The following PUF60 variants were observed in gnomAD, a reference collection of about 807,000 sequenced individuals.
PUF60 encodes poly(U)-binding-splicing factor PUF60.
Under a neutral mutation model 61.8 loss-of-function variants are expected in PUF60, and 10 were observed. That is an observed-to-expected ratio of 0.16 (90% CI 0.10 to 0.27). The LOEUF is 0.27. Among genes scored for constraint, PUF60 ranks in the 10% least tolerant of loss-of-function variants. The pLI is 1.00. For synonymous variants in PUF60, 353 were observed against 300.9 expected (o/e 1.17, Z -1.79); for missense variants, 371 against 754.0 (o/e 0.49, Z 5.95).
Position 143,817,434 on chromosome 8 carries a change from G to C in PUF60, c.1041C>G (p.Thr347=). 1 of 1,607,366 alleles carries C rather than the reference G, an allele frequency of 6.2e-7. No individual in the cohort carries two copies. The highest frequency in any genetic ancestry group is 8.5e-7 in the Non-Finnish European group (1 of 1,177,836). Reference sequence around the variant, plus strand: ...GGGACACCAGTCCAGGTGTGCCCAGGGTACCCAGCACCGCTGCTCCGGCCA... The same window carrying C: ...GGGACACCAGTCCAGGTGTGCCCAGCGTACCCAGCACCGCTGCTCCGGCCA... ...EAVAGAAVLG[T]LGTPGLVSPA... The change falls in exon 10 of 12, where the codon ACC becomes ACG. Residue 347 remains threonine, a synonymous_variant. Coordinates refer to ENST00000526683, the MANE Select transcript of PUF60 (RefSeq NM_078480.3). This position sits in a 1 kb window ranked among gnomAD's most constrained non-coding sequence, Gnocchi z 7.4.
At chr8:143,827,822 C>G (rs1450518144) in intron 1 of PUF60, among the ~76,000 whole-genome samples, 2 of 152,220 alleles carry the variant, frequency 1.3e-5, no homozygotes, top group Non-Finnish European at 2.9e-5. Context: ...CACCACCTAT[C>G]TGGCACCACG....
intron 2 of PUF60, 51 bp downstream of exon 2, chr8:143,824,262 G>A: frequency 6.8e-7 from 1 of 1,464,390 alleles, no homozygotes; most frequent in South Asian, 1.3e-5. Flanking sequence ...AGGCGGGCGG[G>A]CGGGCGGGCA....
intron 4 of PUF60, 55 bp downstream of exon 4, chr8:143,821,542 G>C (rs1451913277): frequency 7.1e-7 from 1 of 1,403,366 alleles, no homozygotes; most frequent in African/African-American, 1.4e-5. Flanking sequence ...AGCGTGAAGA[G>C]GAGGAGATGG....
At chr8:143,821,235 G>T (rs1288322194) in intron 4 of PUF60, 2 of 463,698 alleles carry the variant, frequency 4.3e-6, no homozygotes, top group African/African-American at 3.9e-5. Context: ...CCAGGCCACG[G>T]GGGCAGGGAG....
intron 1 of PUF60, among the ~76,000 whole-genome samples, chr8:143,826,678 C>G (rs1469828699): frequency 6.6e-6 from 1 of 152,192 alleles, no homozygotes; most frequent in Non-Finnish European, 1.5e-5. Flanking sequence ...GGGATCACCC[C>G]ACTGCACTCT....
Position 143,818,702 on chromosome 8 carries a change from G to A in PUF60, c.349-168C>T, listed in dbSNP as rs1816668777. 9.6e-6 allele frequency: 7 copies of A among 731,630 alleles called. No individual in the cohort carries two copies. The highest frequency in any genetic ancestry group is 1.3e-5 in the Non-Finnish European group (6 of 462,044). 45.3% of individuals were successfully genotyped at this position (731,630 alleles called of 1,614,324 possible). On this transcript the variant is annotated intron_variant, in intron 5 of 11. Transcript: ENST00000526683. The surrounding 1 kb of genome is among the most constrained non-coding windows in gnomAD (Gnocchi z 7.9). ...TGCAGTCATAGTGTGGGGGTCGCAG[G>A]ACCCCGCCACCCAAAGAAGGAAGGC...
intron 4 of PUF60, 40 bp from the exon 5 acceptor site, chr8:143,820,756 G>C (rs768273350): frequency 1.9e-6 from 3 of 1,579,830 alleles, no homozygotes; most frequent in South Asian, 2.2e-5. Flanking sequence ...TGTTGGAGCC[G>C]AGCAGTCTCC....
At chr8:143,819,894 A>G (rs1318948123) in intron 5 of PUF60, among the ~76,000 whole-genome samples, 1 of 151,902 alleles carries the variant, frequency 6.6e-6, no homozygotes, top group Admixed American at 6.6e-5. Flanking sequence ...CCGGGCTCCC[A>G]TTCAGATGCT....
intron 1 of PUF60, among the ~76,000 whole-genome samples, chr8:143,825,664 G>A (rs1817560989): frequency 1.3e-5 from 2 of 152,110 alleles, no homozygotes; most frequent in Admixed American, 6.6e-5. Context: ...TGTATTTTTG[G>A]TAGAGATGGG....
At chr8:143,826,780 G>T (rs889864974) in intron 1 of PUF60, among the ~76,000 whole-genome samples, 4 of 152,182 alleles carry the variant, frequency 2.6e-5, no homozygotes, top group Admixed American at 6.5e-5. Context: ...AGGTCTCAAG[G>T]CTTCAGGCTC....
intron 4 of PUF60, 88 bp downstream of exon 4, chr8:143,821,509 G>T: frequency 8.1e-7 from 1 of 1,229,732 alleles, no homozygotes. Context: ...TGCGGGGACG[G>T]CCGCAGGCCC....
In PUF60 at chr8:143,818,745, C is replaced by T; in HGVS notation, c.349-211G>A. ...AGGAAGGCCAGGCCCAGCGGCAGGA[C>T]AGGACGCACCCCAGCCCGCCAAGGT... On this transcript the variant is annotated intron_variant, in intron 5 of 11. Transcript: ENST00000526683. The surrounding 1 kb of genome is among the most constrained non-coding windows in gnomAD (Gnocchi z 7.9). The T allele has an allele frequency of 3.3e-6, 2 of 601,940 alleles. No homozygotes were observed. The highest frequency in any genetic ancestry group is 5.8e-6 in the Non-Finnish European group (2 of 346,952). The allele number at this position is 601,940 out of a possible 1,614,324, so 37.3% of individuals were successfully genotyped here.
chr8:143,818,731 G>T lies in PUF60; in HGVS notation c.349-197C>A. On this transcript the variant is annotated intron_variant, in intron 5 of 11. Coordinates refer to ENST00000526683, the MANE Select transcript of PUF60 (RefSeq NM_078480.3). This position sits in a 1 kb window ranked among gnomAD's most constrained non-coding sequence, Gnocchi z 7.9. ...CCGCCACCCAAAGAAGGAAGGCCAG[G>T]CCCAGCGGCAGGACAGGACGCACCC... 1.6e-6 allele frequency: 1 copy of T among 639,072 alleles called. No homozygotes were observed. The highest frequency in any genetic ancestry group is 2.7e-6 in the Non-Finnish European group (1 of 376,984). The allele number at this position is 639,072 out of a possible 1,614,324, so 39.6% of individuals were successfully genotyped here. A position where few individuals can be genotyped will look rare whatever the true frequency, so the allele number is the denominator to read the frequency against.
chr8:143,826,931 G>GTAT (rs1817695718), intron 1 of PUF60: 2 of 16,116 alleles, frequency 1.2e-4, no homozygotes, highest in Non-Finnish European at 3.1e-4. Context: ...GCACTCATCA[G>GTAT]TATTAACAAC....
chr8:143,819,761 A>G (rs1816803010), intron 5 of PUF60, among the ~76,000 whole-genome samples: 2 of 150,996 alleles, frequency 1.3e-5, no homozygotes, highest in African/African-American at 4.9e-5. Context: ...CAGGCTCCCC[A>G]GACACGAGAC....
At chr8:143,829,064 G>A in intron 1 of PUF60, 3 of 1,040,490 alleles carry the variant, frequency 2.9e-6, no homozygotes, top group Non-Finnish European at 3.5e-6. Context: ...CGCCCCGCCG[G>A]AAGCTGGGGT....
chr8:143,827,945 T>C (rs914648708), intron 1 of PUF60, among the ~76,000 whole-genome samples: 2 of 152,208 alleles, frequency 1.3e-5, no homozygotes, highest in Non-Finnish European at 2.9e-5. Flanking sequence ...GTCCAGTCCT[T>C]GTCTCTGAGC....
At chr8:143,821,779 T>C (rs778556889) in intron 3 of PUF60, 39 bp downstream of exon 3, 2 of 1,408,026 alleles carry the variant, frequency 1.4e-6, no homozygotes, top group East Asian at 4.9e-5. Context: ...CCCAGTTGAC[T>C]GTCCCACACC....
At chr8:143,824,966 G>A (rs887775445) in intron 1 of PUF60, 2 of 155,898 alleles carry the variant, frequency 1.3e-5, no homozygotes, top group Non-Finnish European at 2.8e-5. Context: ...TGTCTCGCAG[G>A]AGGACGGCCA....
Sources: allele counts gnomAD v4.1 joint callset (sites outside exome capture counted in the v4.1 genomes callset), GRCh38; gene constraint gnomAD v4.1.1; non-coding constraint Gnocchi (gnomAD v3.1); transcripts MANE v1.5; gene names NCBI Gene and HGNC (gene_info 2026-07-23, HGNC 2026-07-21).